RSRC1: variants seen among roughly 807,000 people sequenced by gnomAD.
The protein encoded by RSRC1 is serine/Arginine-related protein 53.
RSRC1 carries 39 observed loss-of-function variants against 49.1 expected under a neutral mutation model. The ratio of observed to expected loss-of-function variants is 0.79; its 90% CI spans 0.61 to 1.04. The LOEUF is 1.04. Among genes scored for constraint, RSRC1 ranks in the 50% least tolerant of loss-of-function variants. The probability of loss-of-function intolerance (pLI) is 0.00; values close to 1 mark genes in which losing one functional copy is unlikely to be tolerated. For synonymous variants in RSRC1, 143 were observed against 130.8 expected, an observed-to-expected ratio of 1.09 and a Z score of -0.63; for missense variants, 388 against 402.4, an observed-to-expected ratio of 0.96 and a Z score of 0.31.
chr3:158,398,596 G>A (rs116811372), intron 6 of RSRC1, among the ~76,000 whole-genome samples: 3,040 of 152,178 alleles, frequency 0.02, 82 homozygotes, highest in African/African-American at 0.07. Context: ...AATGAATTTT[G>A]AAGGGGATAG....
At chr3:158,205,980 G>T (rs73166311) in intron 4 of RSRC1, among the ~76,000 whole-genome samples, 18,316 of 152,176 alleles carry the variant, frequency 0.12, 1,371 homozygotes, top group Middle Eastern at 0.2. Context: ...GGATCATTTG[G>T]TCTCTGTTGC....
intron 3 of RSRC1, among the ~76,000 whole-genome samples, chr3:158,181,272 A>G (rs980133386): frequency 6.6e-6 from 1 of 152,226 alleles, no homozygotes; most frequent in African/African-American, 2.4e-5. Context: ...ACAAGGGAAC[A>G]GAATGAATTA....
intron 3 of RSRC1, among the ~76,000 whole-genome samples, chr3:158,175,737 T>C (rs1172485206): frequency 6.6e-6 from 1 of 151,694 alleles, no homozygotes; most frequent in Non-Finnish European, 1.5e-5. Context: ...TGTAAGAATA[T>C]GTTGGCAAAC....
chr3:158,440,157 G>A (rs1736302978), intron 6 of RSRC1, among the ~76,000 whole-genome samples: 1 of 148,922 alleles, frequency 6.7e-6, no homozygotes, highest in East Asian at 2.0e-4. Context: ...ACATAATTGT[G>A]AAAGAGTGTG....
At chr3:158,282,169 G>A (rs1726218106) in intron 4 of RSRC1, among the ~76,000 whole-genome samples, 1 of 152,160 alleles carries the variant, frequency 6.6e-6, no homozygotes, top group African/African-American at 2.4e-5. Context: ...AATTAAGTTG[G>A]GAAATGGATA....
intron 6 of RSRC1, among the ~76,000 whole-genome samples, chr3:158,434,222 T>G (rs976354041): frequency 1.3e-4 from 20 of 152,030 alleles, no homozygotes; most frequent in African/African-American, 4.8e-4. Context: ...TCACATATTC[T>G]TTTATAGCTG....
At chr3:158,119,724 A>G (rs887869390) in intron 1 of RSRC1, among the ~76,000 whole-genome samples, 2 of 135,386 alleles carry the variant, frequency 1.5e-5, no homozygotes, top group Non-Finnish European at 3.2e-5. Flanking sequence ...ATGTGAATTT[A>G]TATGTATGTA....
At chr3:158,209,496 C>T (rs1721541824) in intron 4 of RSRC1, among the ~76,000 whole-genome samples, 1 of 152,086 alleles carries the variant, frequency 6.6e-6, no homozygotes, top group Admixed American at 6.6e-5. Flanking sequence ...TGCACCAAGA[C>T]ACCTACTAAA....
chr3:158,461,014 G>C lies in RSRC1; in HGVS notation c.652+11G>C. Reference sequence around the variant, plus strand: ...GAAGAAAGGAGGAAGGTAAAGGCATGTGTTCATTTTTCTCTGAGAAATCAC... The same window carrying C: ...GAAGAAAGGAGGAAGGTAAAGGCATCTGTTCATTTTTCTCTGAGAAATCAC... On this transcript the variant is annotated intron_variant, in intron 7 of 9. Transcript: ENST00000611884. The C allele has an allele frequency of 6.3e-7, 1 of 1,586,286 alleles. No individual in the cohort carries two copies. Among genetic ancestry groups the C allele is most frequent in the Non-Finnish European group, 8.6e-7 (1 of 1,161,086 alleles).
intron 5 of RSRC1, among the ~76,000 whole-genome samples, chr3:158,332,641 T>C (rs1191717928): frequency 6.6e-6 from 1 of 152,182 alleles, no homozygotes; most frequent in Non-Finnish European, 1.5e-5. Context: ...TTAAAGATTT[T>C]TTCCTTTTGT....
chr3:158,141,809 AT>A (rs1257449209), intron 3 of RSRC1, among the ~76,000 whole-genome samples: 1 of 152,136 alleles, frequency 6.6e-6, no homozygotes, highest in Non-Finnish European at 1.5e-5. Context: ...TTTATCTAAG[AT>A]TTCTCGGCCA....
intron 5 of RSRC1, among the ~76,000 whole-genome samples, chr3:158,302,175 T>C (rs1283317472): frequency 6.6e-6 from 1 of 152,060 alleles, no homozygotes; most frequent in Non-Finnish European, 1.5e-5. Context: ...CACAGTTGTA[T>C]AGATGCTGGC....
intron 6 of RSRC1, among the ~76,000 whole-genome samples, chr3:158,403,313 T>A (rs1404350890): frequency 6.6e-6 from 1 of 151,804 alleles, no homozygotes; most frequent in Admixed American, 6.6e-5. Flanking sequence ...TGGAAAAGCG[T>A]GTAATAATAG....
intron 7 of RSRC1, among the ~76,000 whole-genome samples, chr3:158,536,313 T>C (rs1712710792): frequency 6.6e-6 from 1 of 151,404 alleles, no homozygotes; most frequent in Non-Finnish European, 1.5e-5. Flanking sequence ...ATCCAGAATC[T>C]AGAAACTTTA....
At chr3:158,142,655 A>G (rs1716820020) in intron 3 of RSRC1, among the ~76,000 whole-genome samples, 1 of 152,128 alleles carries the variant, frequency 6.6e-6, no homozygotes, top group Non-Finnish European at 1.5e-5. Context: ...GAGTAGGAAA[A>G]GTGTCACACC....
At chr3:158,274,110 A>G (rs932663197) in intron 4 of RSRC1, among the ~76,000 whole-genome samples, 1 of 152,150 alleles carries the variant, frequency 6.6e-6, no homozygotes, top group Non-Finnish European at 1.5e-5. Flanking sequence ...AATTCTGTTT[A>G]TGTATTCTTT....
chr3:158,530,297 TG>T (rs1160922700), intron 7 of RSRC1, among the ~76,000 whole-genome samples: 2 of 151,926 alleles, frequency 1.3e-5, no homozygotes, highest in African/African-American at 4.8e-5. Flanking sequence ...CCTATCGCTG[TG>T]TGGAGCACAG....
chr3:158,447,276 C>T (rs1001794501), intron 6 of RSRC1, among the ~76,000 whole-genome samples: 1 of 151,896 alleles, frequency 6.6e-6, no homozygotes, highest in African/African-American at 2.4e-5. Flanking sequence ...TCTCTCAAAT[C>T]AGGCAACCAA....
chr3:158,341,213 A>C (rs1730216901), intron 5 of RSRC1, among the ~76,000 whole-genome samples: 1 of 152,072 alleles, frequency 6.6e-6, no homozygotes, highest in African/African-American at 2.4e-5. Context: ...AATTTACATA[A>C]GTAGTAAGGA....
Sources: gnomAD v4.1 joint callset for allele counts (sites outside exome capture counted in the v4.1 genomes callset) on GRCh38, gnomAD v4.1.1 for gene constraint, MANE v1.5 for transcripts, NCBI Gene and HGNC (gene_info 2026-07-23, HGNC 2026-07-21) for gene names.